Variants in VPS37B observed in about 807,000 individuals in gnomAD.
VPS37B encodes VPS37B subunit of ESCRT-I, also known as vacuolar protein sorting-associated protein 37B.
VPS37B carries 11 observed loss-of-function variants against 21.2 expected under a neutral mutation model. That is an observed-to-expected ratio of 0.52 (90% CI 0.33 to 0.86). The LOEUF is 0.86. Ranked by LOEUF, VPS37B falls within the 40% of genes least tolerant of loss-of-function variation. VPS37B has a pLI of 0.03. For missense variants in VPS37B, 389 were observed against 374.8 expected (o/e 1.04, Z -0.31); for synonymous variants, 175 against 159.6 (o/e 1.10, Z -0.73).
rs1051994664 is a variant in VPS37B at position 122,868,704 on chromosome 12, C to T, written c.284-142G>A. 1 of 719,774 alleles carries T rather than the reference C, an allele frequency of 1.4e-6. No homozygotes were observed. Among genetic ancestry groups the T allele is most frequent in the Non-Finnish European group, 2.4e-6 (1 of 424,618 alleles). 44.6% of individuals were successfully genotyped at this position (719,774 alleles called of 1,614,324 possible). ...GAAAACCTACAGGGGAACAAGTGCA[C>T]CAAGCCAGTGCCCAGGGGCCAACAT... is the stretch of plus-strand genomic sequence containing the variant. On this transcript the variant is annotated intron_variant, in intron 2 of 3. Transcript: ENST00000267202. The surrounding 1 kb of genome is among the most constrained non-coding windows in gnomAD (Gnocchi z 5.5).
chr12:122,889,347 T>C (rs1188360543), intron 1 of VPS37B: 1 of 152,538 alleles, frequency 6.6e-6, no homozygotes, highest in East Asian at 1.9e-4. Context: ...TCCTAATTTC[T>C]TCCTAACCTC....
Position 122,866,443 on chromosome 12 carries a change from C to T in VPS37B, c.*673G>A, listed in dbSNP as rs2033900922. On this transcript the variant is annotated 3_prime_UTR_variant, in exon 4 of 4. Coordinates refer to ENST00000267202, the MANE Select transcript of VPS37B (RefSeq NM_024667.3). ...CAGGCGGGAGAGGAGGAGCTGGGGA[C>T]ACAATTTGCTGTGCAAAGTCCCACT... 6.6e-6 allele frequency: 1 copy of T among 152,474 alleles called. No individual in the cohort carries two copies. Among genetic ancestry groups the T allele is most frequent in the South Asian group, 2.1e-4 (1 of 4,834 alleles). The allele number at this position is 152,474 out of a possible 1,614,324, so 9.4% of individuals were successfully genotyped here.
chr12:122,889,386 C>T (rs1029529620), intron 1 of VPS37B: 4 of 152,896 alleles, frequency 2.6e-5, no homozygotes, highest in African/African-American at 7.2e-5. Flanking sequence ...GGTCCTGCCA[C>T]GCCAAGCCAG....
intron 1 of VPS37B, chr12:122,885,095 T>A (rs2034301965): frequency 6.8e-6 from 1 of 146,184 alleles, no homozygotes; most frequent in African/African-American, 2.7e-5. Context: ...AATAATGGAA[T>A]TTTTTTTTTC....
At chr12:122,879,449 G>C (rs537543894) in intron 1 of VPS37B, 2 of 152,698 alleles carry the variant, frequency 1.3e-5, no homozygotes, top group South Asian at 4.1e-4. Flanking sequence ...AGCTGGGCCA[G>C]GTCCTCCAAC....
rs1333089399 is a variant in VPS37B, at chr12:122,865,686, G to C, written c.*1430C>G. 1 of 152,342 alleles carries C rather than the reference G, an allele frequency of 6.6e-6. No individual in the cohort carries two copies. Among genetic ancestry groups the C allele is most frequent in the Non-Finnish European group, 1.5e-5 (1 of 68,098 alleles). The allele number at this position is 152,342 out of a possible 1,614,324, so 9.4% of individuals were successfully genotyped here. ...CACTGAGGACAAAAGGCAGTGGCCTGGCCCGTGGCCCAGACCCCGCTTCAG... is the reference window on the plus strand; with the variant it reads ...CACTGAGGACAAAAGGCAGTGGCCTCGCCCGTGGCCCAGACCCCGCTTCAG... On this transcript the variant is annotated 3_prime_UTR_variant, in exon 4 of 4. Coordinates refer to ENST00000267202, the MANE Select transcript of VPS37B (RefSeq NM_024667.3).
At chr12:122,888,760 C>T in intron 1 of VPS37B, 1 of 346,550 alleles carries the variant, frequency 2.9e-6, no homozygotes, top group South Asian at 2.1e-5. Context: ...CTTTCCTTCT[C>T]CCAACCCACT....
intron 1 of VPS37B, chr12:122,877,922 A>G (rs889907792): frequency 1.3e-5 from 2 of 151,846 alleles, no homozygotes; most frequent in Non-Finnish European, 2.9e-5. Flanking sequence ...TCATCTATTC[A>G]TACATCAAAA....
intron 1 of VPS37B, chr12:122,876,403 G>C (rs568963147): frequency 1.9e-4 from 29 of 152,240 alleles, no homozygotes; most frequent in Admixed American, 1.8e-3. Context: ...ATTAATATAT[G>C]TAACTCTCTC....
chr12:122,865,733 CGGCTAGGCACAGGTCGG>C lies in VPS37B; in HGVS notation c.*1366_*1382del, dbSNP rs1467894696. ...TCAGTTCTGCCTTCTGTCACCCTGG[CGGCTAGGCACAGGTCGG>C]GGCCCTGGATGCCCGACAAGTGACA... On this transcript the variant is annotated 3_prime_UTR_variant, in exon 4 of 4. Transcript: ENST00000267202. The C allele has an allele frequency of 1.3e-5, 2 of 152,296 alleles. No homozygotes were observed. Among genetic ancestry groups the C allele is most frequent in the African/African-American group, 4.8e-5 (2 of 41,450 alleles). 9.4% of individuals were successfully genotyped at this position (152,296 alleles called of 1,614,324 possible). A position where few individuals can be genotyped will look rare whatever the true frequency, so the allele number is the denominator to read the frequency against.
chr12:122,870,950 G>C lies in VPS37B; in HGVS notation c.223C>G (p.Gln75Glu). 7 of 1,614,156 alleles carry C rather than the reference G, an allele frequency of 4.3e-6. No individual in the cohort carries two copies. The highest frequency in any genetic ancestry group is 5.9e-6 in the Non-Finnish European group (7 of 1,180,036). ...QLDTLKARLT[Q>E]KYQELQVLFE... The stretch of plus-strand genomic sequence containing the variant: ...AGAACCTGGAGTTCCTGGTATTTCT[G>C]GGTCAAGCGTGCTTTCAACGTGTCC... Residue 75 changes from glutamine to glutamate, a missense_variant, in exon 2 of 4, where the codon CAG (glutamine) becomes GAG (glutamate). Physicochemically the swap from Gln to Glu is conservative, Grantham distance 29. Transcript: ENST00000267202.
rs1566121544 is a variant in VPS37B at position 122,867,106 on chromosome 12, G to GCGC, written c.*7_*9dup. The GCGC allele has an allele frequency of 6.6e-7, 1 of 1,514,956 alleles. No homozygotes were observed. The highest frequency in any genetic ancestry group is 8.8e-7 in the Non-Finnish European group (1 of 1,137,280). 93.8% of individuals were successfully genotyped at this position (1,514,956 alleles called of 1,614,324 possible). On this transcript the variant is annotated 3_prime_UTR_variant, in exon 4 of 4. Transcript: ENST00000267202. This position sits in a 1 kb window ranked among gnomAD's most constrained non-coding sequence, Gnocchi z 5.5. ...TGGAAGAAGTCTCCCGGGAAGGACC[G>GCGC]CGCCGGCGCTCACTGGAGGATGAAA...
At chr12:122,890,733 GTACA>G (rs1593926223) in intron 1 of VPS37B, among the ~76,000 whole-genome samples, 1 of 152,158 alleles carries the variant, frequency 6.6e-6, no homozygotes, top group East Asian at 1.9e-4. Flanking sequence ...GTGGCACCGA[GTACA>G]TTCATATTAT....
In VPS37B at chr12:122,865,904, G is replaced by C. The variant is rs541133005; in HGVS notation, c.*1212C>G. ...CGTGAAGATGAGGTCCCACAGGGGT[G>C]GGGGAAGAGCAGGTGCAGACGGTTG... On this transcript the variant is annotated 3_prime_UTR_variant, in exon 4 of 4. Transcript: ENST00000267202. The C allele has an allele frequency of 6.6e-6, 1 of 152,404 alleles. No homozygotes were observed. Among genetic ancestry groups the C allele is most frequent in the Non-Finnish European group, 1.5e-5 (1 of 68,154 alleles). 9.4% of individuals were successfully genotyped at this position (152,404 alleles called of 1,614,324 possible). A position where few individuals can be genotyped will look rare whatever the true frequency, so the allele number is the denominator to read the frequency against.
At chr12:122,885,218 T>C (rs918655092) in intron 1 of VPS37B, 15 of 151,750 alleles carry the variant, frequency 9.9e-5, no homozygotes, top group Non-Finnish European at 2.1e-4. Flanking sequence ...GGGGATCAGA[T>C]ATTTTACCTA....
intron 1 of VPS37B, chr12:122,881,360 A>T (rs1338318661): frequency 6.6e-6 from 1 of 152,298 alleles, no homozygotes; most frequent in Non-Finnish European, 1.5e-5. Flanking sequence ...CTGTAGCCCC[A>T]GTTACTTGGG....
At position 122,866,597 on chromosome 12, in the gene VPS37B, C is replaced by G. The variant is rs2033903628; in HGVS notation, c.*519G>C. ...GGTCAGGCGGTGACTATGGTGACCT[C>G]TCCCCAACAGATTCAGTGAGCAACA... On this transcript the variant is annotated 3_prime_UTR_variant, in exon 4 of 4. Transcript: ENST00000267202. 1 of 152,764 alleles carries G rather than the reference C, an allele frequency of 6.5e-6. No individual in the cohort carries two copies. The highest frequency in any genetic ancestry group is 1.5e-5 in the Non-Finnish European group (1 of 68,202). 9.5% of individuals were successfully genotyped at this position (152,764 alleles called of 1,614,324 possible).
intron 2 of VPS37B, among the ~76,000 whole-genome samples, chr12:122,869,250 T>A (rs1242856498): frequency 1.3e-5 from 2 of 152,394 alleles, no homozygotes; most frequent in African/African-American, 4.8e-5. Flanking sequence ...AACATTCTTG[T>A]ACCTATCTTC....
intron 1 of VPS37B, chr12:122,882,792 A>G (rs1217705035): frequency 1.3e-5 from 2 of 152,246 alleles, no homozygotes; most frequent in Non-Finnish European, 2.9e-5. Context: ...CAGTAAAAAG[A>G]TATTCCCAAT....
Sources: gnomAD v4.1 joint callset for allele counts (sites outside exome capture counted in the v4.1 genomes callset) on GRCh38, gnomAD v4.1.1 for gene constraint, Gnocchi (gnomAD v3.1) non-coding constraint, MANE v1.5 for transcripts, NCBI Gene and HGNC (gene_info 2026-07-23, HGNC 2026-07-21) for gene names.